The following RBFOX1 variants were observed in gnomAD, a reference collection of about 807,000 sequenced individuals.
RBFOX1 encodes RNA binding fox-1 homolog 1.
Under a neutral mutation model 57.7 loss-of-function variants are expected in RBFOX1, and 8 were observed. The observed-to-expected ratio is 0.14, with a 90% CI of 0.08 to 0.25. The LOEUF (loss-of-function observed/expected upper bound fraction) is 0.25. Ranked by LOEUF, RBFOX1 falls within the 10% of genes least tolerant of loss-of-function variation. The pLI is 1.00. For missense variants in RBFOX1, 611 were observed against 548.5 expected (o/e 1.11, Z -1.14); for synonymous variants, 326 against 222.4 (o/e 1.47, Z -4.15).
intron 3 of RBFOX1, among the ~76,000 whole-genome samples, chr16:6,955,669 TTATTTATTTAGGTATGTATG>T (rs374331176): frequency 0.15 from 22,171 of 149,330 alleles, 1,903 homozygotes; most frequent in Non-Finnish European, 0.19. Context: ...CACCACCACT[TTATTTATTTAGGTATGTATG>T]TATTTATTTA....
At chr16:7,120,893 C>T (rs13337704) in intron 4 of RBFOX1, among the ~76,000 whole-genome samples, 95,558 of 148,272 alleles carry the variant, frequency 0.64, 31,151 homozygotes, top group East Asian at 0.87. Context: ...ACATATAATA[C>T]AGAAAAATAA....
intron 2 of RBFOX1, among the ~76,000 whole-genome samples, chr16:6,534,931 A>G (rs905351182): frequency 1.3e-5 from 2 of 152,214 alleles, no homozygotes; most frequent in African/African-American, 4.8e-5. Flanking sequence ...GTGCGCATTC[A>G]ACATACAGAA....
chr16:6,223,532 A>C (rs1232220818), intron 1 of RBFOX1, among the ~76,000 whole-genome samples: 1 of 152,042 alleles, frequency 6.6e-6, no homozygotes, highest in African/African-American at 2.4e-5. Flanking sequence ...TCCTTTGCCC[A>C]GTTTTTGTTG....
At chr16:6,345,962 G>C (rs118157380) in intron 2 of RBFOX1, among the ~76,000 whole-genome samples, 8 of 152,296 alleles carry the variant, frequency 5.3e-5, no homozygotes, top group African/African-American at 1.9e-4. Flanking sequence ...GACTCAAAGC[G>C]GGGAGGGGGA....
chr16:6,060,124 T>G (rs972278682), intron 1 of RBFOX1, among the ~76,000 whole-genome samples: 3 of 8,788 alleles, frequency 3.4e-4, no homozygotes, highest in Non-Finnish European at 8.7e-4. Flanking sequence ...GGATTAGGGT[T>G]TTTTTTTTTT....
intron 3 of RBFOX1, among the ~76,000 whole-genome samples, chr16:5,663,921 G>A (rs58082172): frequency 0.032 from 4,946 of 152,240 alleles, 244 homozygotes; most frequent in African/African-American, 0.11. Context: ...TGAAGCAAAT[G>A]GGGCAGTCGC....
At chr16:7,069,102 T>A (rs2056785182) in intron 4 of RBFOX1, among the ~76,000 whole-genome samples, 1 of 152,246 alleles carries the variant, frequency 6.6e-6, no homozygotes, top group African/African-American at 2.4e-5. Context: ...ATCCCTGACA[T>A]TATTTTATCA....
At chr16:5,447,266 A>G (rs1421093716) in intron 1 of RBFOX1, among the ~76,000 whole-genome samples, 2 of 152,090 alleles carry the variant, frequency 1.3e-5, no homozygotes, top group African/African-American at 4.8e-5. Flanking sequence ...GGAGTTAGGC[A>G]TGAGGTCAAA....
At chr16:6,186,468 A>G (rs895362823) in intron 1 of RBFOX1, among the ~76,000 whole-genome samples, 6 of 152,322 alleles carry the variant, frequency 3.9e-5, no homozygotes, top group African/African-American at 1.4e-4. Flanking sequence ...TTGCTTGGTT[A>G]GAGAGTAGAC....
At chr16:6,381,543 G>A (rs185260843) in intron 2 of RBFOX1, among the ~76,000 whole-genome samples, 1 of 152,308 alleles carries the variant, frequency 6.6e-6, no homozygotes, top group East Asian at 1.9e-4. Flanking sequence ...TAAACAGGAG[G>A]AATGATACAA....
intron 4 of RBFOX1, among the ~76,000 whole-genome samples, chr16:5,985,870 C>T (rs944245185): frequency 1.5e-4 from 23 of 152,128 alleles, no homozygotes; most frequent in African/African-American, 5.3e-4. Context: ...ATGGCTTGGC[C>T]ATCACACTTA....
At chr16:5,440,047 G>A (rs2068037547) in intron 1 of RBFOX1, among the ~76,000 whole-genome samples, 1 of 152,154 alleles carries the variant, frequency 6.6e-6, no homozygotes, top group South Asian at 2.1e-4. Flanking sequence ...TGAATAATAT[G>A]GGGAGATGAT....
intron 4 of RBFOX1, among the ~76,000 whole-genome samples, chr16:7,303,813 C>G (rs1422500257): frequency 1.3e-5 from 2 of 150,838 alleles, no homozygotes; most frequent in Non-Finnish European, 3.0e-5. Flanking sequence ...TTCCTCTCTC[C>G]CTCTCTACCT....
At chr16:5,725,807 G>C (rs1318640189) in intron 3 of RBFOX1, among the ~76,000 whole-genome samples, 3 of 151,988 alleles carry the variant, frequency 2.0e-5, no homozygotes, top group South Asian at 2.1e-4. Context: ...ACTCAGGGCT[G>C]TTCTAGGATG....
chr16:5,532,237 A>G (rs1280146885), intron 2 of RBFOX1, among the ~76,000 whole-genome samples: 1 of 152,204 alleles, frequency 6.6e-6, no homozygotes, highest in East Asian at 1.9e-4. Flanking sequence ...GCCTCTATCC[A>G]TTATCTTCCA....
At chr16:5,615,425 G>C (rs1177394704) in intron 3 of RBFOX1, among the ~76,000 whole-genome samples, 3 of 152,186 alleles carry the variant, frequency 2.0e-5, no homozygotes, top group Non-Finnish European at 4.4e-5. Flanking sequence ...GGTGTGTACT[G>C]CTCAAGTCTA....
At chr16:6,204,178 C>T (rs2097237415) in intron 1 of RBFOX1, among the ~76,000 whole-genome samples, 2 of 152,062 alleles carry the variant, frequency 1.3e-5, no homozygotes, top group African/African-American at 2.4e-5. Context: ...CCTTTTCCTC[C>T]CCTACCCTCA....
At chr16:5,895,362 A>G (rs574293769) in intron 4 of RBFOX1, among the ~76,000 whole-genome samples, 43 of 152,330 alleles carry the variant, frequency 2.8e-4, no homozygotes, top group African/African-American at 9.6e-4. Flanking sequence ...TGTCTCAGAT[A>G]TTAGATTTCT....
chr16:5,442,177 A>C (rs1332360228), intron 1 of RBFOX1, among the ~76,000 whole-genome samples: 1 of 152,236 alleles, frequency 6.6e-6, no homozygotes, highest in Non-Finnish European at 1.5e-5. Context: ...GCCTTATCTG[A>C]GACTGGAAAG....
Sources: allele counts gnomAD v4.1 joint callset (sites outside exome capture counted in the v4.1 genomes callset), GRCh38; gene constraint gnomAD v4.1.1; transcripts MANE v1.5; gene names NCBI Gene and HGNC (gene_info 2026-07-23, HGNC 2026-07-21).